Variants in KANK1 observed in about 807,000 individuals in gnomAD.
KANK1 encodes the protein KN motif and ankyrin repeat domain-containing protein 1.
KANK1 carries 109 observed loss-of-function variants against 106.2 expected under a neutral mutation model. The observed-to-expected ratio is 1.03, with a 90% CI of 0.88 to 1.20. The LOEUF (loss-of-function observed/expected upper bound fraction) is 1.20, where lower values mean the gene tolerates loss of function less well. KANK1 is among the 50% of genes most tolerant of loss of function. KANK1 has a pLI of 0.00. For synonymous variants in KANK1, 873 were observed against 652.2 expected (o/e 1.34, Z -5.16); for missense variants, 2,399 against 1,710.7 (o/e 1.40, Z -7.10).
At position 712,698 on chromosome 9, in the gene KANK1, G is replaced by T; in HGVS notation, c.1932G>T (p.Glu644Asp). ...SVDVTVCSPKECASRGVNTEA... is the reference protein window; with the variant it reads ...SVDVTVCSPKDCASRGVNTEA... ...ACGTGACCGTCTGCTCTCCAAAGGAGTGCGCCTCCCGGGGCGTGAACACTG... is the reference window on the plus strand; with the variant it reads ...ACGTGACCGTCTGCTCTCCAAAGGATTGCGCCTCCCGGGGCGTGAACACTG... The change falls in exon 3 of 12, where the codon GAG becomes GAT. Residue 644 changes from glutamate (E) to aspartate (D), a missense_variant. By Grantham distance (45) the Glu-to-Asp change is conservative. Transcript: ENST00000382297. 6.2e-7 allele frequency: 1 copy of T among 1,614,128 alleles called. No homozygotes were observed. Among genetic ancestry groups the T allele is most frequent in the South Asian group, 1.1e-5 (1 of 91,076 alleles).
chr9:667,344 A>C (rs1416192404), intron 1 of KANK1, among the ~76,000 whole-genome samples: 2 of 149,168 alleles, frequency 1.3e-5, no homozygotes, highest in African/African-American at 4.9e-5. Context: ...AAGTTTTGTC[A>C]GTTTTTTTTT....
Position 707,344 on chromosome 9 carries a change from C to T in KANK1, c.38-3460C>T, listed in dbSNP as rs573181243. ...GGCCGGGAAGGTGCGCACTGCTGGGCCGCTTCACTCCACCGCAGGCCTACG... is the reference window on the plus strand; with the variant it reads ...GGCCGGGAAGGTGCGCACTGCTGGGTCGCTTCACTCCACCGCAGGCCTACG... On this transcript the variant is annotated intron_variant, in intron 2 of 11. Transcript: ENST00000382297. 397 of 538,714 alleles carry T rather than the reference C, an allele frequency of 7.4e-4. 1 individual carries two copies. Among genetic ancestry groups the T allele is most frequent in the African/African-American group, 6.9e-3 (338 of 48,834 alleles). 33.4% of individuals were successfully genotyped at this position (538,714 alleles called of 1,614,324 possible).
intron 10 of KANK1, among the ~76,000 whole-genome samples, chr9:743,377 C>G (rs971961418): frequency 2.6e-5 from 4 of 152,204 alleles, no homozygotes; most frequent in African/African-American, 9.6e-5. Flanking sequence ...GTAGCAGATT[C>G]CCTTCTTCCC....
rs142208233 is a variant in KANK1 at position 668,942 on chromosome 9, C to A, written c.-83-7948C>A. Among the ~76,000 whole-genome samples the A allele has an allele frequency of 1.4e-3, 220 of 152,262 alleles. 2 individuals carry two copies. Among genetic ancestry groups the A allele is most frequent in the African/African-American group, 4.8e-3 (199 of 41,554 alleles). ...TATGAGAATCTATGCTGCTAATGAT[C>A]TGACAGGAGGTGGAGCAGGCAGTGC... On this transcript the variant is annotated intron_variant, in intron 1 of 11. Coordinates refer to ENST00000382297, the MANE Select transcript of KANK1 (RefSeq NM_015158.5).
At chr9:631,781 A>G (rs2136806872) in intron 1 of KANK1, among the ~76,000 whole-genome samples, 1 of 152,256 alleles carries the variant, frequency 6.6e-6, no homozygotes, top group Non-Finnish European at 1.5e-5. Context: ...TTCCCTTTGC[A>G]TCTGCTCTGG....
intron 1 of KANK1, among the ~76,000 whole-genome samples, chr9:631,120 G>A (rs1835628961): frequency 6.6e-6 from 1 of 152,086 alleles, no homozygotes; most frequent in Non-Finnish European, 1.5e-5. Context: ...TTTCTGTTCA[G>A]CGTTAATACG....
chr9:663,810 CCCTTGTGTACA>C (rs1843930212), intron 1 of KANK1, among the ~76,000 whole-genome samples: 1 of 152,124 alleles, frequency 6.6e-6, no homozygotes, highest in Non-Finnish European at 1.5e-5. Context: ...GGCAGTGCAG[CCCTTGTGTACA>C]CTCTTGGAAA....
upstream of KANK1, among the ~76,000 whole-genome samples, chr9:500,675 T>G (rs551122399): frequency 5.3e-4 from 80 of 152,328 alleles, no homozygotes; most frequent in Non-Finnish European, 9.4e-4. Context: ...AGGCAAAGGA[T>G]ACTTTATTCA....
intron 1 of KANK1, among the ~76,000 whole-genome samples, chr9:648,270 G>A (rs1030987613): frequency 6.6e-6 from 1 of 152,010 alleles, no homozygotes. Flanking sequence ...CCAAAGTGCT[G>A]AGATTACAGG....
intron 6 of KANK1, 102 bp downstream of exon 6, chr9:732,719 T>C: frequency 7.5e-7 from 1 of 1,335,440 alleles, no homozygotes. Flanking sequence ...TGTTTGCTTT[T>C]ATCTGTTCCT....
At chr9:659,893 G>A (rs1842925258) in intron 1 of KANK1, 1 of 162,282 alleles carries the variant, frequency 6.2e-6, no homozygotes, top group East Asian at 1.8e-4. Context: ...GAAGAGGCCC[G>A]AGTCACTGAG....
chr9:635,743 G>A (rs576768626), intron 1 of KANK1, among the ~76,000 whole-genome samples: 2 of 123,578 alleles, frequency 1.6e-5, no homozygotes, highest in African/African-American at 6.5e-5. Context: ...CTGTTGCCCA[G>A]GCTGGAGTGC....
At chr9:645,827 C>T (rs1262484657) in intron 1 of KANK1, among the ~76,000 whole-genome samples, 1 of 150,706 alleles carries the variant, frequency 6.6e-6, no homozygotes, top group South Asian at 2.1e-4. Flanking sequence ...AGCAAGACTC[C>T]ATCTCAAAAA....
chr9:597,092 C>T (rs556811050), intron 1 of KANK1, among the ~76,000 whole-genome samples: 4 of 151,986 alleles, frequency 2.6e-5, no homozygotes, highest in South Asian at 4.1e-4. Context: ...GTCCATGGTA[C>T]GGATATATCA....
At position 732,610 on chromosome 9, in the gene KANK1, A is replaced by C. The variant is rs1461193878; in HGVS notation, c.3238A>C (p.Arg1080=). The stretch of plus-strand genomic sequence containing the variant: ...ATGTGAACCTGAGAAGGTGGAAATC[A>C]GAGAGAGGTGTGGTACATTCCCCTT... The part of the protein sequence containing the change: ...QECEPEKVEI[R]ERYELSEKML... Residue 1080 remains arginine (R), a synonymous_variant, in exon 6 of 12, where the codon AGA becomes CGA. Transcript: ENST00000382297. The C allele has an allele frequency of 6.2e-7, 1 of 1,614,000 alleles. No individual in the cohort carries two copies. Among genetic ancestry groups the C allele is most frequent in the African/African-American group, 1.3e-5 (1 of 75,060 alleles).
At chr9:536,544 A>G (rs754349769) in intron 1 of KANK1, among the ~76,000 whole-genome samples, 1 of 152,120 alleles carries the variant, frequency 6.6e-6, no homozygotes, top group Non-Finnish European at 1.5e-5. Flanking sequence ...TTCATCTTCA[A>G]AGCCACCACT....
intron 5 of KANK1, 28 bp downstream of exon 5, chr9:731,294 T>A (rs1200149091): frequency 2.2e-6 from 3 of 1,350,786 alleles, no homozygotes; most frequent in Non-Finnish European, 3.2e-6. Context: ...TTCTAGAGGC[T>A]AATGCTGTCA....
intron 1 of KANK1, among the ~76,000 whole-genome samples, chr9:590,272 T>C (rs535275110): frequency 6.6e-6 from 1 of 152,278 alleles, no homozygotes; most frequent in Non-Finnish European, 1.5e-5. Context: ...TTTGTTATTA[T>C]AGTCAGGGAG....
rs1416952384 is a variant in KANK1, at chr9:732,432, G to A, written c.3060G>A (p.Glu1020=). The change falls in exon 6 of 12, where the codon GAG becomes GAA. Residue 1020 remains glutamate, a synonymous_variant. Coordinates refer to ENST00000382297, the MANE Select transcript of KANK1 (RefSeq NM_015158.5). ...DSSSDESSSS[E]SDDECDVIEY... ...GCTCAGATGAAAGCTCTTCTTCCGA[G>A]TCAGATGACGAGTGTGATGTCATTG... 5 of 1,614,028 alleles carry A rather than the reference G, an allele frequency of 3.1e-6. No homozygotes were observed. Among genetic ancestry groups the A allele is most frequent in the Admixed American group, 3.3e-5 (2 of 59,998 alleles).
Sources: gnomAD v4.1 joint callset for allele counts (sites outside exome capture counted in the v4.1 genomes callset) on GRCh38, gnomAD v4.1.1 for gene constraint, MANE v1.5 for transcripts, NCBI Gene and HGNC (gene_info 2026-07-23, HGNC 2026-07-21) for gene names.